THSD7B: variants seen among roughly 807,000 people sequenced by gnomAD.
The protein encoded by THSD7B is thrombospondin type 1 domain containing 7B, also known as thrombospondin type-1 domain-containing protein 7B.
Under a neutral mutation model 213.6 loss-of-function variants are expected in THSD7B, and 138 were observed. The ratio of observed to expected loss-of-function variants is 0.65; its 90% CI spans 0.56 to 0.74. THSD7B has a LOEUF of 0.74. Among genes scored for constraint, THSD7B ranks in the 30% least tolerant of loss-of-function variants. The pLI, the probability that THSD7B is intolerant of heterozygous loss-of-function variation, is 0.00. For synonymous variants in THSD7B, 742 were observed against 687.0 expected (o/e 1.08, Z -1.25); for missense variants, 1,931 against 1,991.5 (o/e 0.97, Z 0.58).
intron 12 of THSD7B, among the ~76,000 whole-genome samples, chr2:137,311,632 G>C (rs943640682): frequency 3.3e-5 from 5 of 152,052 alleles, no homozygotes; most frequent in Admixed American, 6.6e-5. Context: ...CTATGATGTT[G>C]GCTGTGGGTT....
chr2:136,837,568 A>G (rs1419856055), intron 1 of THSD7B, among the ~76,000 whole-genome samples: 2 of 152,190 alleles, frequency 1.3e-5, no homozygotes, highest in African/African-American at 4.8e-5. Context: ...ATTTTATAGC[A>G]CTTCTCATTA....
intron 17 of THSD7B, among the ~76,000 whole-genome samples, chr2:137,578,279 G>T (rs114351339): frequency 0.012 from 1,811 of 152,252 alleles, 14 homozygotes; most frequent in Non-Finnish European, 0.019. Flanking sequence ...CAAACAAAAT[G>T]ATCTAGATAT....
chr2:137,467,223 A>G (rs191109968), intron 15 of THSD7B, among the ~76,000 whole-genome samples: 5 of 152,310 alleles, frequency 3.3e-5, no homozygotes, highest in East Asian at 3.9e-4. Context: ...ACTGGGATAC[A>G]TGTTCAGAAC....
intron 12 of THSD7B, among the ~76,000 whole-genome samples, chr2:137,342,178 A>G (rs919000290): frequency 2.0e-5 from 3 of 151,614 alleles, no homozygotes; most frequent in East Asian, 1.9e-4. Flanking sequence ...AATGTCTTTC[A>G]TCAATGTTTT....
chr2:137,430,415 A>G (rs914694374), intron 14 of THSD7B, among the ~76,000 whole-genome samples: 19 of 152,188 alleles, frequency 1.2e-4, no homozygotes, highest in African/African-American at 4.6e-4. Context: ...AGATGTCTGC[A>G]AAACTCAGCT....
chr2:137,476,709 T>G (rs1688201909), intron 15 of THSD7B, among the ~76,000 whole-genome samples: 1 of 152,130 alleles, frequency 6.6e-6, no homozygotes, highest in Admixed American at 6.6e-5. Context: ...CAGGCTAATT[T>G]TTGTATTTTT....
chr2:137,142,183 A>G (rs1047700605), intron 5 of THSD7B, among the ~76,000 whole-genome samples: 14 of 152,166 alleles, frequency 9.2e-5, no homozygotes, highest in African/African-American at 3.4e-4. Context: ...ATTGACTCAC[A>G]TTTCTGGAGA....
intron 1 of THSD7B, among the ~76,000 whole-genome samples, chr2:136,781,508 A>G (rs2251313): frequency 0.42 from 62,932 of 151,200 alleles, 13,493 homozygotes; most frequent in East Asian, 0.7. Flanking sequence ...CTGACCTCAG[A>G]TGATCTGCCC....
intron 3 of THSD7B, among the ~76,000 whole-genome samples, chr2:137,073,333 G>A (rs1687540927): frequency 6.6e-6 from 1 of 152,172 alleles, no homozygotes; most frequent in Admixed American, 6.5e-5. Flanking sequence ...TTAGTCTTGG[G>A]AGGATGTATG....
intron 14 of THSD7B, among the ~76,000 whole-genome samples, chr2:137,441,508 G>T (rs1050650654): frequency 1.3e-5 from 2 of 152,086 alleles, no homozygotes; most frequent in African/African-American, 2.4e-5. Flanking sequence ...ACACTGTGAA[G>T]GTTATTTATT....
intron 10 of THSD7B, among the ~76,000 whole-genome samples, chr2:137,251,641 A>G (rs1317981618): frequency 1.3e-5 from 2 of 152,166 alleles, no homozygotes; most frequent in African/African-American, 4.8e-5. Flanking sequence ...AGTGTCCTAG[A>G]CTGACCCGTG....
chr2:137,224,447 A>G (rs1681450814), intron 7 of THSD7B, among the ~76,000 whole-genome samples: 1 of 152,224 alleles, frequency 6.6e-6, no homozygotes, highest in South Asian at 2.1e-4. Context: ...TACCCAAGAC[A>G]CAGTGCCTTT....
Position 137,059,765 on chromosome 2 carries a change from CA to C in THSD7B, c.950+2536del, listed in dbSNP as rs531238432. 2.1e-3 allele frequency among the ~76,000 whole-genome samples: 316 copies of C among 152,224 alleles called. 3 individuals carry two copies. The highest frequency in any genetic ancestry group is 6.8e-3 in the Middle Eastern group (2 of 294). ...CCATTTTGTGGTACTATAGTTTGTTCATTCACCTACTGAAGTACATCTTGGT... is the reference window on the plus strand; with the variant it reads ...CCATTTTGTGGTACTATAGTTTGTTCTTCACCTACTGAAGTACATCTTGGT... On this transcript the variant is annotated intron_variant, in intron 3 of 27. Transcript: ENST00000409968.
chr2:137,272,769 T>C, intron 11 of THSD7B, 107 bp downstream of exon 11: 1 of 1,192,172 alleles, frequency 8.4e-7, no homozygotes, highest in Non-Finnish European at 1.2e-6. Flanking sequence ...AGAGGGGATC[T>C]GACATTTACA....
At chr2:137,404,627 A>G (rs1049215030) in intron 12 of THSD7B, among the ~76,000 whole-genome samples, 1 of 150,546 alleles carries the variant, frequency 6.6e-6, no homozygotes, top group Non-Finnish European at 1.5e-5. Context: ...CATATATATG[A>G]TCGTATATAG....
At chr2:137,659,851 GC>G in intron 25 of THSD7B, 105 bp downstream of exon 25, 1 of 1,052,672 alleles carries the variant, frequency 9.5e-7, no homozygotes, top group Non-Finnish European at 1.4e-6. Context: ...AGTTCCACGT[GC>G]CCATGATACC....
At chr2:137,336,908 A>G (rs1463134813) in intron 12 of THSD7B, among the ~76,000 whole-genome samples, 3 of 152,056 alleles carry the variant, frequency 2.0e-5, no homozygotes, top group Non-Finnish European at 1.5e-5. Flanking sequence ...CTTCGTATCA[A>G]TTTTTTAATG....
At chr2:137,017,999 A>T (rs1220399115) in intron 2 of THSD7B, among the ~76,000 whole-genome samples, 3 of 142,646 alleles carry the variant, frequency 2.1e-5, no homozygotes. Flanking sequence ...TTTTTTTTTT[A>T]AAGCTTCTTT....
At chr2:137,230,293 A>AT (rs2105053614) in intron 7 of THSD7B, among the ~76,000 whole-genome samples, 1 of 152,328 alleles carries the variant, frequency 6.6e-6, no homozygotes, top group South Asian at 2.1e-4. Flanking sequence ...ATGTTCTATG[A>AT]TATGGTATCA....
Sources: gnomAD v4.1 joint callset for allele counts (sites outside exome capture counted in the v4.1 genomes callset) on GRCh38, gnomAD v4.1.1 for gene constraint, MANE v1.5 for transcripts, NCBI Gene and HGNC (gene_info 2026-07-23, HGNC 2026-07-21) for gene names.